The following CSMD1 variants were observed in gnomAD, a reference collection of about 807,000 sequenced individuals.
CSMD1 encodes the protein CUB and sushi domain-containing protein 1.
In CSMD1, 213 loss-of-function variants were observed where a neutral mutation model predicts 417.5. The ratio of observed to expected loss-of-function variants is 0.51; its 90% CI spans 0.46 to 0.57. CSMD1 has a LOEUF of 0.57. Among genes scored for constraint, CSMD1 ranks in the 20% least tolerant of loss-of-function variants. The pLI is 0.00. For synonymous variants in CSMD1, 2,862 were observed against 1,736.8 expected (o/e 1.65, Z -16.11); for missense variants, 6,923 against 4,529.7 (o/e 1.53, Z -15.17).
At chr8:2,940,289 G>A (rs536680038) in intron 69 of CSMD1, among the ~76,000 whole-genome samples, 1 of 152,182 alleles carries the variant, frequency 6.6e-6, no homozygotes, top group Non-Finnish European at 1.5e-5. Context: ...CTATGGCACA[G>A]AAGTAGAGAA....
intron 47 of CSMD1, among the ~76,000 whole-genome samples, chr8:3,094,803 A>AT: frequency 1.5e-5 from 1 of 68,418 alleles, no homozygotes. Flanking sequence ...CGTCTTACAA[A>AT]AAAAAAAAAA....
In CSMD1 at chr8:4,362,521, T is replaced by C. The variant is rs745833982; in HGVS notation, c.415+57432A>G. ...TCATTTGTCTGCTTAATTTGTGCAA[T>C]AGATAGAACAGGATCTTTAATTTAT... is the stretch of plus-strand genomic sequence containing the variant. On this transcript the variant is annotated intron_variant, in intron 3 of 69. Coordinates refer to ENST00000635120, the MANE Select transcript of CSMD1 (RefSeq NM_033225.6). 5.3e-5 allele frequency among the ~76,000 whole-genome samples: 8 copies of C among 152,348 alleles called. No homozygotes were observed. In the East Asian group the frequency reaches 7.7e-4, roughly 15 times the overall value.
At chr8:3,726,348 T>C (rs1283064215) in intron 6 of CSMD1, among the ~76,000 whole-genome samples, 1 of 152,190 alleles carries the variant, frequency 6.6e-6, no homozygotes, top group African/African-American at 2.4e-5. Context: ...GGTAATTTAT[T>C]TGTAGCAATA....
At chr8:3,848,618 A>G (rs1046371769) in intron 5 of CSMD1, among the ~76,000 whole-genome samples, 4 of 152,184 alleles carry the variant, frequency 2.6e-5, no homozygotes, top group Non-Finnish European at 5.9e-5. Context: ...TCACTGTTCT[A>G]AAGTGCAGAG....
chr8:3,399,499 C>A lies in CSMD1; in HGVS notation c.2297G>T (p.Ser766Ile), dbSNP rs1811909128. ...APCGGHLTAS[S>I]GVILPPGWPG... ...CCATCCAGGAGGCAAAATGACTCCG[C>A]TGGACGCTGTCAGATGTCCACCACA... is the stretch of plus-strand genomic sequence containing the variant. The change falls in exon 16 of 70, where the codon AGC becomes ATC. Residue 766 changes from serine to isoleucine, a missense_variant. Transcript: ENST00000635120. 1 of 1,605,174 alleles carries A rather than the reference C, an allele frequency of 6.2e-7. No individual in the cohort carries two copies. Among genetic ancestry groups the A allele is most frequent in the South Asian group, 1.1e-5 (1 of 88,520 alleles).
chr8:3,539,238 A>T (rs968428673), intron 10 of CSMD1, among the ~76,000 whole-genome samples: 1 of 152,058 alleles, frequency 6.6e-6, no homozygotes, highest in Non-Finnish European at 1.5e-5. Flanking sequence ...TGTATCATTA[A>T]TCCTTCAGTC....
chr8:4,903,140 T>C (rs1805005569), intron 1 of CSMD1, among the ~76,000 whole-genome samples: 1 of 152,194 alleles, frequency 6.6e-6, no homozygotes, highest in Admixed American at 6.5e-5. Flanking sequence ...TTTGTACTCT[T>C]ATTTAATCTT....
chr8:4,084,915 A>T (rs1282855548), intron 3 of CSMD1, among the ~76,000 whole-genome samples: 3 of 151,936 alleles, frequency 2.0e-5, no homozygotes, highest in East Asian at 3.9e-4. Context: ...CAAAAACAAA[A>T]ACAAAACTAC....
intron 23 of CSMD1, among the ~76,000 whole-genome samples, chr8:3,332,878 A>G (rs1806996168): frequency 6.6e-6 from 1 of 152,174 alleles, no homozygotes. Flanking sequence ...TGAGCTGACA[A>G]CTGAACATGG....
chr8:4,342,128 G>C (rs1800510903), intron 3 of CSMD1, among the ~76,000 whole-genome samples: 1 of 151,940 alleles, frequency 6.6e-6, no homozygotes, highest in Non-Finnish European at 1.5e-5. Context: ...TCTCTAACAA[G>C]ACAAGAAGCC....
chr8:3,879,284 T>C (rs960159489), intron 5 of CSMD1, among the ~76,000 whole-genome samples: 1 of 152,288 alleles, frequency 6.6e-6, no homozygotes, highest in East Asian at 1.9e-4. Context: ...TATGTATCAA[T>C]ATCAAATGTA....
At chr8:3,072,848 T>G (rs1217763361) in intron 49 of CSMD1, among the ~76,000 whole-genome samples, 1 of 152,178 alleles carries the variant, frequency 6.6e-6, no homozygotes, top group South Asian at 2.1e-4. Flanking sequence ...GGTGCCCACT[T>G]TTCAGTATTA....
At chr8:3,846,740 C>G (rs1803531225) in intron 5 of CSMD1, among the ~76,000 whole-genome samples, 1 of 152,120 alleles carries the variant, frequency 6.6e-6, no homozygotes, top group Non-Finnish European at 1.5e-5. Flanking sequence ...TCACTGCAAC[C>G]TCGACTCACT....
intron 69 of CSMD1, among the ~76,000 whole-genome samples, chr8:2,941,615 G>A (rs995804214): frequency 2.6e-5 from 4 of 152,200 alleles, no homozygotes; most frequent in Admixed American, 1.3e-4. Context: ...TTAATCCCAA[G>A]GAAAGGATCT....
At chr8:3,864,661 G>A (rs1032323622) in intron 5 of CSMD1, among the ~76,000 whole-genome samples, 2 of 151,944 alleles carry the variant, frequency 1.3e-5, no homozygotes, top group Admixed American at 1.3e-4. Context: ...ATGTTCCCCT[G>A]AAGAAGACAC....
rs542436492 is a variant in CSMD1, at chr8:3,951,450, G to A, written c.818+46453C>T. Among the ~76,000 whole-genome samples the A allele has an allele frequency of 1.5e-4, 23 of 152,334 alleles. No individual in the cohort carries two copies. In the South Asian group the frequency reaches 4.3e-3, roughly 29 times the overall value. On this transcript the variant is annotated intron_variant, in intron 5 of 69. Coordinates refer to ENST00000635120, the MANE Select transcript of CSMD1 (RefSeq NM_033225.6). ...TCTGTTCATTAGTGGGATGTAGAGT[G>A]CTGTATTTTCCTCCGCTTGTGGGAT...
intron 1 of CSMD1, among the ~76,000 whole-genome samples, chr8:4,924,259 G>C (rs944630887): frequency 6.6e-6 from 1 of 152,144 alleles, no homozygotes; most frequent in East Asian, 1.9e-4. Flanking sequence ...TGATAAAGTT[G>C]TAAACAGTTT....
At chr8:4,962,512 A>G (rs1809573979) in intron 1 of CSMD1, among the ~76,000 whole-genome samples, 1 of 152,146 alleles carries the variant, frequency 6.6e-6, no homozygotes, top group Non-Finnish European at 1.5e-5. Context: ...TGCCCAGCCT[A>G]AATTCTGTTT....
chr8:3,283,333 G>C (rs763696609), intron 26 of CSMD1, among the ~76,000 whole-genome samples: 1 of 152,114 alleles, frequency 6.6e-6, no homozygotes, highest in African/African-American at 2.4e-5. Context: ...TCGGGGCTGG[G>C]TTAGGGGAGC....
Sources: allele counts gnomAD v4.1 joint callset (sites outside exome capture counted in the v4.1 genomes callset), GRCh38; gene constraint gnomAD v4.1.1; transcripts MANE v1.5; gene names NCBI Gene and HGNC (gene_info 2026-07-23, HGNC 2026-07-21).